Variants in LARGE1 observed in about 807,000 individuals in gnomAD.
LARGE1 encodes LARGE xylosyl- and glucuronyltransferase 1.
LARGE1 carries 43 observed loss-of-function variants against 87.6 expected under a neutral mutation model. The ratio of observed to expected loss-of-function variants is 0.49; its 90% CI spans 0.38 to 0.63. LARGE1 has a LOEUF of 0.63. LARGE1 is among the 30% of genes least tolerant of loss of function. LARGE1 has a pLI of 0.00. For missense variants in LARGE1, 802 were observed against 1,000.2 expected, an observed-to-expected ratio of 0.80 and a Z score of 2.67; for synonymous variants, 434 against 394.6, an observed-to-expected ratio of 1.10 and a Z score of -1.18.
chr22:33,302,246 C>T (rs1207462912), intron 12 of LARGE1, among the ~76,000 whole-genome samples: 1 of 152,226 alleles, frequency 6.6e-6, no homozygotes, highest in Non-Finnish European at 1.5e-5. Flanking sequence ...ACCCAGCAGG[C>T]ACTGGCACAG....
At chr22:33,336,935 C>T (rs1483665385) in intron 10 of LARGE1, among the ~76,000 whole-genome samples, 2 of 151,964 alleles carry the variant, frequency 1.3e-5, no homozygotes, top group Non-Finnish European at 2.9e-5. Flanking sequence ...GTGGTGCATG[C>T]CTGTAATCCC....
At chr22:33,920,727 CGCCGCCGGGAGCGCTCGCCGGCCTTG>C (rs1348346047), upstream of LARGE1, among the ~76,000 whole-genome samples, 1 of 144,850 alleles carries the variant, frequency 6.9e-6, no homozygotes, top group Non-Finnish European at 1.5e-5. Flanking sequence ...GGGCGGCCCC[CGCCGCCGGGAGCGCTCGCCGGCCTTG>C]GCCGCCGCCG....
chr22:33,126,034 C>T, the LARGE1 span, among the ~76,000 whole-genome samples: 1 of 152,210 alleles, frequency 6.6e-6, no homozygotes, highest in East Asian at 1.9e-4. Context: ...AGGCGTGAGC[C>T]ACAGCGCCCG....
At chr22:33,404,173 T>C (rs963914467) in intron 7 of LARGE1, among the ~76,000 whole-genome samples, 5 of 152,064 alleles carry the variant, frequency 3.3e-5, no homozygotes, top group Non-Finnish European at 7.4e-5. Flanking sequence ...TTTCAACCAG[T>C]GGTCAGCGAA....
At chr22:33,560,485 T>A (rs1320763833) in intron 6 of LARGE1, among the ~76,000 whole-genome samples, 1 of 152,194 alleles carries the variant, frequency 6.6e-6, no homozygotes, top group Non-Finnish European at 1.5e-5. Flanking sequence ...TGCTTATGGA[T>A]CAAATCACTA....
chr22:33,152,619 T>C, the LARGE1 span, among the ~76,000 whole-genome samples: 1 of 152,152 alleles, frequency 6.6e-6, no homozygotes, highest in Non-Finnish European at 1.5e-5. Context: ...GGCTACATAA[T>C]AGGTGTATAT....
At chr22:33,211,776 G>GA (rs1447050138) in intron 11 of LARGE1, among the ~76,000 whole-genome samples, 2 of 151,946 alleles carry the variant, frequency 1.3e-5, no homozygotes, top group East Asian at 3.9e-4. Flanking sequence ...CTGTCTCAAA[G>GA]AAAAAAAAGT....
chr22:33,921,849 G>C (rs1162656815), upstream of LARGE1, among the ~76,000 whole-genome samples: 1 of 152,090 alleles, frequency 6.6e-6, no homozygotes, highest in African/African-American at 2.4e-5. The surrounding 1 kb of genome is among the most constrained non-coding windows in gnomAD (Gnocchi z 4.1). Context: ...TGGGTGAAAT[G>C]GGTCGGGGCA....
At chr22:33,333,185 A>G (rs1034089189) in intron 10 of LARGE1, among the ~76,000 whole-genome samples, 3 of 151,878 alleles carry the variant, frequency 2.0e-5, no homozygotes, top group African/African-American at 7.3e-5. Context: ...AAGCTCGGCT[A>G]TTTTTTTGTA....
intron 1 of LARGE1, among the ~76,000 whole-genome samples, chr22:33,817,459 G>C (rs1015632831): frequency 6.6e-6 from 1 of 151,700 alleles, no homozygotes; most frequent in Non-Finnish European, 1.5e-5. Flanking sequence ...TCTCTCTTTC[G>C]CAGGGGACCC....
chr22:33,185,867 G>A (rs943106573), intron 11 of LARGE1, among the ~76,000 whole-genome samples: 5 of 152,042 alleles, frequency 3.3e-5, no homozygotes, highest in Admixed American at 6.6e-5. Flanking sequence ...TATTACTAGT[G>A]ATCCTACTGA....
At chr22:33,869,616 C>A (rs1011605955) in intron 1 of LARGE1, among the ~76,000 whole-genome samples, 1 of 152,150 alleles carries the variant, frequency 6.6e-6, no homozygotes. Context: ...GGGTAGCAAC[C>A]GTGGGAAGCA....
At chr22:33,535,269 C>T (rs1001279356) in intron 6 of LARGE1, among the ~76,000 whole-genome samples, 8 of 152,162 alleles carry the variant, frequency 5.3e-5, no homozygotes, top group Non-Finnish European at 1.2e-4. Context: ...GCAGGCCAGG[C>T]GCGGTGGCTC....
intron 1 of LARGE1, among the ~76,000 whole-genome samples, chr22:33,917,667 T>A (rs1032750188): frequency 3.3e-5 from 5 of 152,224 alleles, no homozygotes; most frequent in Admixed American, 2.6e-4. Flanking sequence ...AGAGCCTTTT[T>A]GTAGTCCTTA....
At chr22:33,671,223 C>T (rs2081401062) in intron 2 of LARGE1, among the ~76,000 whole-genome samples, 1 of 152,174 alleles carries the variant, frequency 6.6e-6, no homozygotes, top group African/African-American at 2.4e-5. Flanking sequence ...AGGAAGTACA[C>T]CACCACCTGA....
At chr22:33,125,909 G>A in the LARGE1 span, among the ~76,000 whole-genome samples, 1 of 152,050 alleles carries the variant, frequency 6.6e-6, no homozygotes, top group South Asian at 2.1e-4. Context: ...CACCACACTC[G>A]GCAAATTTTT....
chr22:33,204,550 G>A (rs1924587587), intron 11 of LARGE1, among the ~76,000 whole-genome samples: 1 of 152,170 alleles, frequency 6.6e-6, no homozygotes, highest in African/African-American at 2.4e-5. Flanking sequence ...GTCAAGCACT[G>A]TTATCCCAGA....
chr22:33,436,590 A>G (rs1219802367), intron 6 of LARGE1: 1 of 153,920 alleles, frequency 6.5e-6, no homozygotes, highest in East Asian at 1.9e-4. Context: ...TCTCTTCCCC[A>G]TGGGTGTGAA....
intron 7 of LARGE1, among the ~76,000 whole-genome samples, chr22:33,427,593 G>A (rs972093411): frequency 6.6e-6 from 1 of 152,254 alleles, no homozygotes; most frequent in Non-Finnish European, 1.5e-5. Context: ...CTGGTGGGAT[G>A]AGTCAATGAA....
Sources: gnomAD v4.1 joint callset for allele counts (sites outside exome capture counted in the v4.1 genomes callset) on GRCh38, gnomAD v4.1.1 for gene constraint, Gnocchi (gnomAD v3.1) non-coding constraint, MANE v1.5 for transcripts, NCBI Gene and HGNC (gene_info 2026-07-23, HGNC 2026-07-21) for gene names.